ADGRL2: variants seen among roughly 807,000 people sequenced by gnomAD.
ADGRL2 encodes adhesion G protein-coupled receptor L2, also known as calcium-independent alpha-latrotoxin receptor 2.
Under a neutral mutation model 157.4 loss-of-function variants are expected in ADGRL2, and 44 were observed. The ratio of observed to expected loss-of-function variants is 0.28; its 90% confidence interval spans 0.22 to 0.36. The LOEUF (loss-of-function observed/expected upper bound fraction) is 0.36, where lower values mean the gene tolerates loss of function less well. ADGRL2 is among the 10% of genes least tolerant of loss of function. The pLI is 1.00. For synonymous variants in ADGRL2, 585 were observed against 624.7 expected (o/e 0.94, Z 0.95); for missense variants, 1,510 against 1,768.9 (o/e 0.85, Z 2.63).
chr1:81,510,889 A>G (rs1033182829), intron 2 of ADGRL2, among the ~76,000 whole-genome samples: 1 of 152,210 alleles, frequency 6.6e-6, no homozygotes, highest in Non-Finnish European at 1.5e-5. Context: ...TTGGTTTGAT[A>G]TGTGAGTATA....
intron 14 of ADGRL2, 67 bp downstream of exon 14, chr1:81,968,266 A>C: frequency 7.4e-7 from 1 of 1,352,188 alleles, no homozygotes; most frequent in Admixed American, 2.1e-5. Flanking sequence ...CTTGTATAAT[A>C]GTCCCATTCT....
chr1:81,495,209 A>G (rs2078707617), intron 2 of ADGRL2, among the ~76,000 whole-genome samples: 1 of 152,146 alleles, frequency 6.6e-6, no homozygotes, highest in African/African-American at 2.4e-5. Flanking sequence ...CCAATAAGGG[A>G]GCTTACGTAA....
chr1:81,873,321 T>C (rs762199338), intron 2 of ADGRL2, among the ~76,000 whole-genome samples: 1 of 152,236 alleles, frequency 6.6e-6, no homozygotes, highest in East Asian at 1.9e-4. Context: ...CATTAGCCTC[T>C]TTTTATTTTT....
At chr1:81,451,618 C>G (rs1185725723) in intron 2 of ADGRL2, among the ~76,000 whole-genome samples, 3 of 152,224 alleles carry the variant, frequency 2.0e-5, no homozygotes, top group South Asian at 4.1e-4. Flanking sequence ...TCACTCAGTT[C>G]CTTAGATTTA....
At chr1:81,658,549 T>A (rs1040164019) in intron 3 of ADGRL2, among the ~76,000 whole-genome samples, 25 of 152,200 alleles carry the variant, frequency 1.6e-4, no homozygotes, top group Middle Eastern at 3.2e-3. Flanking sequence ...GGTAATTTCT[T>A]ATCCGTCATT....
intron 2 of ADGRL2, among the ~76,000 whole-genome samples, chr1:81,847,458 T>C (rs548345901): frequency 6.6e-6 from 1 of 152,076 alleles, no homozygotes; most frequent in South Asian, 2.1e-4. Flanking sequence ...ACTTCCGCTG[T>C]TAAAAATCGA....
chr1:81,664,227 G>A (rs540950973), intron 3 of ADGRL2, among the ~76,000 whole-genome samples: 7 of 152,106 alleles, frequency 4.6e-5, no homozygotes, highest in Admixed American at 2.0e-4. Context: ...GAAAAGATAA[G>A]TATTTTCTGT....
At chr1:81,743,903 T>C (rs1371188162) in intron 1 of ADGRL2, among the ~76,000 whole-genome samples, 2 of 152,110 alleles carry the variant, frequency 1.3e-5, no homozygotes, top group East Asian at 3.8e-4. Context: ...ATTTTTGTAA[T>C]ATAGCAGTTA....
intron 2 of ADGRL2, among the ~76,000 whole-genome samples, chr1:81,446,526 G>A (rs745401483): frequency 6.6e-6 from 1 of 152,138 alleles, no homozygotes; most frequent in Non-Finnish European, 1.5e-5. Context: ...TAACCATGGT[G>A]TTAAGTCATG....
intron 3 of ADGRL2, among the ~76,000 whole-genome samples, chr1:81,647,159 C>T (rs568743985): frequency 2.1e-4 from 32 of 152,292 alleles, no homozygotes; most frequent in Admixed American, 1.3e-3. Context: ...AATCTAGGTT[C>T]TTTTCAGCAC....
At chr1:81,436,516 C>T (rs1359252697) in intron 1 of ADGRL2, among the ~76,000 whole-genome samples, 1 of 152,162 alleles carries the variant, frequency 6.6e-6, no homozygotes, top group African/African-American at 2.4e-5. Flanking sequence ...GCCATGAGTG[C>T]TGGGATCACT....
At chr1:81,493,722 T>G (rs1266164839) in intron 2 of ADGRL2, among the ~76,000 whole-genome samples, 2 of 152,094 alleles carry the variant, frequency 1.3e-5, no homozygotes, top group African/African-American at 2.4e-5. Flanking sequence ...TCAGTAATGG[T>G]TGCCAGAAAA....
At chr1:81,504,658 CG>C (rs1405411601) in intron 2 of ADGRL2, among the ~76,000 whole-genome samples, 2 of 152,036 alleles carry the variant, frequency 1.3e-5, no homozygotes, top group East Asian at 3.9e-4. Context: ...ATCACGGGGG[CG>C]GGGAGGTGGA....
Position 81,950,473 on chromosome 1 carries a change from G to A in ADGRL2, c.1495G>A (p.Gly499Arg), listed in dbSNP as rs763341128. Residue 499 changes from glycine (G) to arginine (R), a missense_variant, in exon 7 of 24, where the codon GGA (glycine) becomes AGA (arginine). Gly to Arg is a moderately radical substitution (Grantham distance 125). Transcript: ENST00000686636. The part of the protein sequence containing the change: ...GMMVERPCPK[G>R]TRGTASYLCM... ...GATGGTTGAACGACCATGCCCTAAG[G>A]GAACAAGAGGTATTTTCTATAAACT... 6.2e-7 allele frequency: 1 copy of A among 1,611,676 alleles called. No individual in the cohort carries two copies. The highest frequency in any genetic ancestry group is 1.1e-5 in the South Asian group (1 of 90,910).
At chr1:81,654,557 T>C (rs1190217001) in intron 3 of ADGRL2, among the ~76,000 whole-genome samples, 1 of 152,196 alleles carries the variant, frequency 6.6e-6, no homozygotes, top group Non-Finnish European at 1.5e-5. Flanking sequence ...ATCCTACATA[T>C]AATTGTGAGC....
chr1:81,979,072 A>C (rs1660946876), intron 17 of ADGRL2, among the ~76,000 whole-genome samples: 1 of 151,694 alleles, frequency 6.6e-6, no homozygotes, highest in African/African-American at 2.4e-5. Flanking sequence ...GCAAATTACC[A>C]ACCTTTGTCT....
intron 17 of ADGRL2, among the ~76,000 whole-genome samples, chr1:81,976,859 T>C (rs1660327462): frequency 1.3e-5 from 2 of 151,936 alleles, no homozygotes; most frequent in Non-Finnish European, 2.9e-5. Context: ...ATACCTATTA[T>C]GTAAATAACA....
At chr1:81,964,011 T>C (rs1480555731) in intron 11 of ADGRL2, among the ~76,000 whole-genome samples, 1 of 151,722 alleles carries the variant, frequency 6.6e-6, no homozygotes, top group Non-Finnish European at 1.5e-5. Context: ...TTTATTGATA[T>C]AAATTTATCT....
chr1:81,971,875 A>G lies in ADGRL2; in HGVS notation c.2978A>G (p.Tyr993Cys), dbSNP rs746474008. ...AGTTGCTGGCTTCATGTTGATAACT[A>G]CTTTATATGGAGCTTCATTGGACCT... ...EKACWLHVDN[Y>C]FIWSFIGPVT... Residue 993 changes from tyrosine to cysteine, a missense_variant, in exon 17 of 24, where the codon TAC becomes TGC. Transcript: ENST00000686636. The G allele has an allele frequency of 1.9e-6, 3 of 1,610,726 alleles. No homozygotes were observed. The Admixed American group carries it at 5.0e-5, about 27-fold the overall frequency.
Sources: gnomAD v4.1 joint callset for allele counts (sites outside exome capture counted in the v4.1 genomes callset) on GRCh38, gnomAD v4.1.1 for gene constraint, MANE v1.5 for transcripts, NCBI Gene and HGNC (gene_info 2026-07-23, HGNC 2026-07-21) for gene names.